NGLY1: variants seen among roughly 807,000 people sequenced by gnomAD.
NGLY1 encodes peptide-N(4)-(N-acetyl-beta-glucosaminyl)asparagine amidase.
A neutral mutation model predicts 84.6 loss-of-function variants in NGLY1; 68 were observed. That is an observed-to-expected ratio of 0.80 (90% CI 0.66 to 0.98). The LOEUF (loss-of-function observed/expected upper bound fraction) is 0.98, where lower values mean the gene tolerates loss of function less well. NGLY1 is among the 50% of genes least tolerant of loss of function. The pLI is 0.00. For missense variants in NGLY1, 779 were observed against 770.2 expected, an observed-to-expected ratio of 1.01 and a Z score of -0.14; for synonymous variants, 280 against 275.2, an observed-to-expected ratio of 1.02 and a Z score of -0.17.
chr3:25,753,191 A>G (rs1469250317), intron 3 of NGLY1, among the ~76,000 whole-genome samples: 2 of 152,228 alleles, frequency 1.3e-5, no homozygotes, highest in Non-Finnish European at 2.9e-5. Flanking sequence ...AAGAAGAAAC[A>G]TTACACGCAA....
intron 4 of NGLY1, among the ~76,000 whole-genome samples, chr3:25,740,175 A>AT (rs1194383760): frequency 2.6e-5 from 4 of 152,346 alleles, no homozygotes; most frequent in Non-Finnish European, 4.4e-5. Context: ...GAAACATTGA[A>AT]TTTGTTATCA....
At chr3:25,746,384 T>C (rs972200197) in intron 4 of NGLY1, among the ~76,000 whole-genome samples, 84 of 152,348 alleles carry the variant, frequency 5.5e-4, no homozygotes, top group African/African-American at 1.9e-3. Flanking sequence ...ATTAAAACTT[T>C]TTAAGCGTGA....
At chr3:25,749,766 A>G in intron 4 of NGLY1, 1 of 1,442,264 alleles carries the variant, frequency 6.9e-7, no homozygotes, top group Non-Finnish European at 9.6e-7. Flanking sequence ...ATGTGCAACA[A>G]AACTTACTGT....
intron 2 of NGLY1, among the ~76,000 whole-genome samples, chr3:25,772,455 T>A (rs1054169696): frequency 2.6e-5 from 4 of 152,190 alleles, no homozygotes; most frequent in Non-Finnish European, 4.4e-5. Flanking sequence ...CTAAGAATAG[T>A]TACTCCTGCT....
rs1488995 is a variant in NGLY1 at position 25,783,128 on chromosome 3, C to T, written c.131+132G>A. 164 of 817,220 alleles carry T rather than the reference C, an allele frequency of 2.0e-4. No individual in the cohort carries two copies. The African/African-American group carries it at 2.9e-3, about 14-fold the overall frequency. 50.6% of individuals were successfully genotyped at this position (817,220 alleles called of 1,614,324 possible). The stretch of plus-strand genomic sequence containing the variant: ...CGGGCTCGGACGTTAGGAGCAGAAC[C>T]AGCTCCAGGTCCCGGTCTGTCCGGG... On this transcript the variant is annotated intron_variant, in intron 1 of 11. Coordinates refer to ENST00000280700, the MANE Select transcript of NGLY1 (RefSeq NM_018297.4). The surrounding 1 kb of genome is among the most constrained non-coding windows in gnomAD (Gnocchi z 4.5).
rs77802856 is a variant in NGLY1 at position 25,725,577 on chromosome 3, C to A, written c.1611+3556G>T. Among the ~76,000 whole-genome samples the A allele has an allele frequency of 4.0e-3, 616 of 152,162 alleles. 4 individuals carry two copies. The highest frequency in any genetic ancestry group is 0.014 in the African/African-American group (597 of 41,510). On this transcript the variant is annotated intron_variant, in intron 10 of 11. Coordinates refer to ENST00000280700, the MANE Select transcript of NGLY1 (RefSeq NM_018297.4). ...GGAGGGGAGAGTCTTGGGGACTAAACCCTCAACATTTGGTATCTAATGTTA... is the reference window on the plus strand; with the variant it reads ...GGAGGGGAGAGTCTTGGGGACTAAAACCTCAACATTTGGTATCTAATGTTA...
In NGLY1 at chr3:25,761,772, A is replaced by G. The variant is rs1014220774; in HGVS notation, c.492+2294T>C. ...TTTGTATGTGAATGTTCACAGCAGC[A>G]TTATTCATAATAGGCAAACATGGGA... On this transcript the variant is annotated intron_variant, in intron 3 of 11. Coordinates refer to ENST00000280700, the MANE Select transcript of NGLY1 (RefSeq NM_018297.4). Among the ~76,000 whole-genome samples the G allele has an allele frequency of 2.6e-5, 4 of 152,354 alleles. No individual in the cohort carries two copies. In the East Asian group the frequency reaches 7.7e-4, roughly 29 times the overall value.
chr3:25,732,198 A>C (rs574906858), intron 9 of NGLY1, 121 bp downstream of exon 9: 7 of 803,602 alleles, frequency 8.7e-6, no homozygotes, highest in African/African-American at 1.7e-5. Flanking sequence ...TGCATTTTAA[A>C]ATAATTACTC....
At chr3:25,731,759 C>T (rs1003072110) in intron 9 of NGLY1, among the ~76,000 whole-genome samples, 4 of 152,110 alleles carry the variant, frequency 2.6e-5, no homozygotes, top group African/African-American at 4.8e-5. Flanking sequence ...ACATACCATA[C>T]ACGTTGCAAC....
intron 1 of NGLY1, 75 bp from the exon 2 acceptor site, chr3:25,778,763 A>C: frequency 1.2e-6 from 1 of 804,304 alleles, no homozygotes; most frequent in East Asian, 2.6e-5. Flanking sequence ...ACTTTCAACA[A>C]ACATGACCTA....
chr3:25,752,538 A>G (rs1706809135), intron 3 of NGLY1, among the ~76,000 whole-genome samples: 2 of 152,038 alleles, frequency 1.3e-5, no homozygotes, highest in African/African-American at 4.8e-5. Context: ...AAATTTAAAC[A>G]TTAAAATAAA....
intron 2 of NGLY1, among the ~76,000 whole-genome samples, chr3:25,771,037 A>C (rs185208125): frequency 1.6e-3 from 242 of 152,302 alleles, no homozygotes; most frequent in African/African-American, 5.4e-3. Flanking sequence ...GCTGTGCAGA[A>C]GCTTTTCAGT....
chr3:25,755,604 T>C lies in NGLY1; in HGVS notation c.493-4341A>G. ...TCTTATTCCCATCAACATGGTTTCA[T>C]CATAGAACACAGCCAATGAAGCAAA... On this transcript the variant is annotated intron_variant, in intron 3 of 11. Coordinates refer to ENST00000280700, the MANE Select transcript of NGLY1 (RefSeq NM_018297.4). The C allele has an allele frequency of 3.4e-6, 5 of 1,486,586 alleles. No individual in the cohort carries two copies. The South Asian group carries it at 3.4e-5, about 10-fold the overall frequency. The allele number at this position is 1,486,586 out of a possible 1,614,324, so 92.1% of individuals were successfully genotyped here.
At chr3:25,751,855 T>C (rs1424269423) in intron 3 of NGLY1, among the ~76,000 whole-genome samples, 1 of 152,222 alleles carries the variant, frequency 6.6e-6, no homozygotes, top group Admixed American at 6.5e-5. Flanking sequence ...GGCTTCTCCC[T>C]CCTTGTCACC....
At chr3:25,772,108 G>C (rs1016086496) in intron 2 of NGLY1, among the ~76,000 whole-genome samples, 2 of 152,100 alleles carry the variant, frequency 1.3e-5, no homozygotes, top group Non-Finnish European at 2.9e-5. Context: ...TCTTGTTCTG[G>C]TTCTTGGGGG....
intron 3 of NGLY1, chr3:25,755,330 C>T (rs1641769134): frequency 1.5e-6 from 2 of 1,344,778 alleles, no homozygotes; most frequent in Non-Finnish European, 2.1e-6. Flanking sequence ...TAAAAAGGGA[C>T]CTAACCAAGG....
chr3:25,751,286 A>C, intron 3 of NGLY1, 23 bp from the exon 4 acceptor site: 1 of 1,502,304 alleles, frequency 6.7e-7, no homozygotes, highest in Non-Finnish European at 8.9e-7. Flanking sequence ...AAAAAAACTG[A>C]AATTAACTTT....
rs756248327 is a variant in NGLY1 at position 25,739,628 on chromosome 3, TC to T, written c.829del (p.Glu277LysfsTer47). On this transcript the variant is annotated frameshift_variant, in exon 5 of 12. Coordinates refer to ENST00000280700, the MANE Select transcript of NGLY1 (RefSeq NM_018297.4). LOFTEE classifies it high-confidence loss of function. ...GGCATCACAGTAATGATCTTCCACT[TC>T]CTTTGCACCCCACTTCAGCTCATCA... ...SDDELKWGAK[E>X]VEDHYCDACQ... 6.2e-7 allele frequency: 1 copy of T among 1,614,142 alleles called. No homozygotes were observed. The highest frequency in any genetic ancestry group is 1.1e-5 in the South Asian group (1 of 91,088).
chr3:25,741,923 C>T (rs564784062), intron 4 of NGLY1, among the ~76,000 whole-genome samples: 1 of 152,100 alleles, frequency 6.6e-6, no homozygotes, highest in Non-Finnish European at 1.5e-5. Flanking sequence ...ATCACTTGAA[C>T]CTGGGAGGCG....
Sources: allele counts gnomAD v4.1 joint callset (sites outside exome capture counted in the v4.1 genomes callset), GRCh38; gene constraint gnomAD v4.1.1; non-coding constraint Gnocchi (gnomAD v3.1); transcripts MANE v1.5; gene names NCBI Gene and HGNC (gene_info 2026-07-23, HGNC 2026-07-21).